Variants in DCC observed in about 807,000 individuals in gnomAD.
DCC encodes the protein netrin receptor DCC.
Under a neutral mutation model 172.5 loss-of-function variants are expected in DCC, and 58 were observed. That is an observed-to-expected ratio of 0.34 (90% CI 0.27 to 0.42). The LOEUF (loss-of-function observed/expected upper bound fraction) is 0.42, where lower values mean the gene tolerates loss of function less well. Ranked by LOEUF, DCC falls within the 10% of genes least tolerant of loss-of-function variation. DCC has a pLI of 1.00. For missense variants in DCC, 1,740 were observed against 1,791.0 expected (o/e 0.97, Z 0.51); for synonymous variants, 709 against 644.5 (o/e 1.10, Z -1.52).
chr18:53,184,036 C>A, intron 9 of DCC, among the ~76,000 whole-genome samples: 1 of 149,608 alleles, frequency 6.7e-6, no homozygotes. Flanking sequence ...CCTGATCCAA[C>A]GGGATCAAAT....
chr18:53,242,752 C>CA (rs974570746), intron 12 of DCC, among the ~76,000 whole-genome samples: 28 of 151,620 alleles, frequency 1.8e-4, no homozygotes, highest in Non-Finnish European at 3.2e-4. Flanking sequence ...GTCAGTTTTC[C>CA]AAAAAAAATG....
intron 2 of DCC, among the ~76,000 whole-genome samples, chr18:52,829,459 A>C (rs957621382): frequency 1.4e-4 from 21 of 152,208 alleles, no homozygotes; most frequent in Admixed American, 9.2e-4. Context: ...AAGATTGTAC[A>C]CATCTGTAAA....
At chr18:52,524,388 A>G (rs779170926) in intron 1 of DCC, among the ~76,000 whole-genome samples, 7 of 152,174 alleles carry the variant, frequency 4.6e-5, no homozygotes, top group Non-Finnish European at 8.8e-5. Context: ...TGCTTCAAAC[A>G]TTTTCTGCTT....
At chr18:53,436,570 G>A (rs1327471284) in intron 22 of DCC, among the ~76,000 whole-genome samples, 2 of 152,116 alleles carry the variant, frequency 1.3e-5, no homozygotes, top group African/African-American at 4.8e-5. Flanking sequence ...TATATACAGA[G>A]TACACCAAAT....
At chr18:53,196,720 T>C (rs1259874770) in intron 9 of DCC, among the ~76,000 whole-genome samples, 1 of 152,138 alleles carries the variant, frequency 6.6e-6, no homozygotes, top group Non-Finnish European at 1.5e-5. Flanking sequence ...GCATCCGTTC[T>C]ATATATATTT....
At chr18:53,356,936 A>G (rs550665680) in intron 15 of DCC, among the ~76,000 whole-genome samples, 5 of 152,274 alleles carry the variant, frequency 3.3e-5, no homozygotes, top group Admixed American at 3.3e-4. Context: ...AAAGAAATCA[A>G]AGTGCTCACT....
intron 1 of DCC, among the ~76,000 whole-genome samples, chr18:52,585,745 A>G (rs1435708420): frequency 6.6e-6 from 1 of 152,168 alleles, no homozygotes; most frequent in African/African-American, 2.4e-5. Flanking sequence ...TAAGTATTCT[A>G]CTCTTCTTCA....
At chr18:52,580,806 G>A (rs1043781680) in intron 1 of DCC, among the ~76,000 whole-genome samples, 6 of 152,158 alleles carry the variant, frequency 3.9e-5, no homozygotes, top group Non-Finnish European at 5.9e-5. Flanking sequence ...CAATTCTGAG[G>A]CTATGACTAT....
At chr18:53,010,896 A>G (rs2041720329) in intron 5 of DCC, among the ~76,000 whole-genome samples, 1 of 151,236 alleles carries the variant, frequency 6.6e-6, no homozygotes, top group Non-Finnish European at 1.5e-5. Flanking sequence ...GTTTTTAGAA[A>G]TAAGAAATGT....
At chr18:52,452,918 C>G (rs1988349266) in intron 1 of DCC, among the ~76,000 whole-genome samples, 1 of 152,186 alleles carries the variant, frequency 6.6e-6, no homozygotes, top group South Asian at 2.1e-4. Flanking sequence ...TTTAAGACAT[C>G]TCAGGTAATT....
chr18:53,320,263 G>A (rs1226122876), intron 13 of DCC, among the ~76,000 whole-genome samples: 4 of 151,958 alleles, frequency 2.6e-5, no homozygotes, highest in Non-Finnish European at 1.5e-5. Flanking sequence ...TAGTAGAGAC[G>A]GGGTTCCACC....
At chr18:52,870,208 T>TG (rs1199299330) in intron 2 of DCC, among the ~76,000 whole-genome samples, 1 of 151,448 alleles carries the variant, frequency 6.6e-6, no homozygotes, top group Non-Finnish European at 1.5e-5. Context: ...TGGGCAAGAG[T>TG]GGTGACGCAG....
intron 12 of DCC, among the ~76,000 whole-genome samples, chr18:53,251,911 A>C (rs995301877): frequency 2.6e-5 from 4 of 151,850 alleles, no homozygotes; most frequent in Admixed American, 2.6e-4. Context: ...CAAAACACTG[A>C]CTATTTCCAG....
chr18:52,667,757 C>G (rs1012905231), intron 1 of DCC, among the ~76,000 whole-genome samples: 10 of 152,046 alleles, frequency 6.6e-5, no homozygotes, highest in African/African-American at 2.4e-4. Context: ...TTGTGCCTTC[C>G]CTAAGCAAAG....
At chr18:53,520,253 G>A (rs1231983822) in intron 27 of DCC, among the ~76,000 whole-genome samples, 1 of 152,140 alleles carries the variant, frequency 6.6e-6, no homozygotes, top group African/African-American at 2.4e-5. Flanking sequence ...ATCAGCAGAT[G>A]AGAGGCCGCA....
intron 1 of DCC, among the ~76,000 whole-genome samples, chr18:52,722,766 C>T (rs144764476): frequency 2.2e-4 from 33 of 152,252 alleles, no homozygotes; most frequent in African/African-American, 7.5e-4. Context: ...TAAGGGTCTC[C>T]TTTCACCACC....
At chr18:52,555,252 G>T (rs1405246353) in intron 1 of DCC, among the ~76,000 whole-genome samples, 1 of 152,004 alleles carries the variant, frequency 6.6e-6, no homozygotes, top group Non-Finnish European at 1.5e-5. Context: ...AAGAAAATTT[G>T]GACTAACATA....
At chr18:53,240,387 T>C (rs1392843987) in intron 12 of DCC, among the ~76,000 whole-genome samples, 3 of 152,150 alleles carry the variant, frequency 2.0e-5, no homozygotes, top group Admixed American at 2.0e-4. Context: ...CAATCATCTC[T>C]GTGATTGTCA....
intron 1 of DCC, among the ~76,000 whole-genome samples, chr18:52,512,068 GTTA>G (rs1050340632): frequency 6.6e-6 from 1 of 152,136 alleles, no homozygotes; most frequent in African/African-American, 2.4e-5. Context: ...AGAAGTCTAA[GTTA>G]TTATTCTTAC....
Sources: allele counts gnomAD v4.1 joint callset (sites outside exome capture counted in the v4.1 genomes callset), GRCh38; gene constraint gnomAD v4.1.1; transcripts MANE v1.5; gene names NCBI Gene and HGNC (gene_info 2026-07-23, HGNC 2026-07-21).